Variants in PARN observed in about 807,000 individuals in gnomAD.
PARN encodes poly(A)-specific ribonuclease, also known as poly(A)-specific ribonuclease PARN.
In PARN, 71 loss-of-function variants were observed where a neutral mutation model predicts 102.8. The ratio of observed to expected loss-of-function variants is 0.69; its 90% CI spans 0.57 to 0.84. The LOEUF (loss-of-function observed/expected upper bound fraction) is 0.84. Among genes scored for constraint, PARN ranks in the 40% least tolerant of loss-of-function variants. PARN has a pLI of 0.00. For missense variants in PARN, 782 were observed against 760.9 expected, an observed-to-expected ratio of 1.03 and a Z score of -0.33; for synonymous variants, 261 against 252.9, an observed-to-expected ratio of 1.03 and a Z score of -0.30.
chr16:14,491,486 A>T (rs1037345552), intron 21 of PARN, among the ~76,000 whole-genome samples: 1 of 152,164 alleles, frequency 6.6e-6, no homozygotes, highest in Non-Finnish European at 1.5e-5. Flanking sequence ...ACTTCAGGCC[A>T]GGCATAGTGG....
At chr16:14,560,642 T>C (rs1335203823) in intron 18 of PARN, among the ~76,000 whole-genome samples, 1 of 152,238 alleles carries the variant, frequency 6.6e-6, no homozygotes, top group East Asian at 1.9e-4. Context: ...GCAGTGCTTG[T>C]TATCCTGGCT....
rs190234104 is a variant in PARN at position 14,440,055 on chromosome 16, A to C, written c.1865-3283T>G. On this transcript the variant is annotated intron_variant, in intron 23 of 23. Transcript: ENST00000437198. ...CAACAACAACAAACCACCACCACCA[A>C]CAACAACAAAATGAAAAGAAAAACC... 1.8e-3 allele frequency among the ~76,000 whole-genome samples: 277 copies of C among 152,270 alleles called. 1 individual carries two copies. Among genetic ancestry groups the C allele is most frequent in the East Asian group, 9.2e-3 (48 of 5,190 alleles).
intron 7 of PARN, among the ~76,000 whole-genome samples, chr16:14,609,562 C>A (rs1347540709): frequency 1.3e-5 from 2 of 152,062 alleles, no homozygotes; most frequent in Admixed American, 6.6e-5. Flanking sequence ...CAGAACGAGA[C>A]CCTGTCTCAA....
At chr16:14,437,649 C>T (rs1433246235) in intron 23 of PARN, among the ~76,000 whole-genome samples, 1 of 152,224 alleles carries the variant, frequency 6.6e-6, no homozygotes, top group Non-Finnish European at 1.5e-5. Context: ...GACCAGGCGT[C>T]AGCTGCACAA....
intron 21 of PARN, among the ~76,000 whole-genome samples, chr16:14,487,379 G>T (rs1963770600): frequency 6.6e-6 from 1 of 152,166 alleles, no homozygotes; most frequent in African/African-American, 2.4e-5. Flanking sequence ...AATGCTTCCT[G>T]TATTAAGGAA....
chr16:14,438,986 A>G (rs1221615362), intron 23 of PARN, among the ~76,000 whole-genome samples: 1 of 152,220 alleles, frequency 6.6e-6, no homozygotes, highest in African/African-American at 2.4e-5. Context: ...TGGTTTTTAA[A>G]AAGCAGCAGC....
At chr16:14,531,607 T>C (rs1404599911) in intron 21 of PARN, among the ~76,000 whole-genome samples, 2 of 152,206 alleles carry the variant, frequency 1.3e-5, no homozygotes, top group Admixed American at 6.5e-5. Context: ...ACTAACCTTC[T>C]ACCATGCTTA....
At position 14,617,651 on chromosome 16, in the gene PARN, C is replaced by T; in HGVS notation, c.328-1G>A. The stretch of plus-strand genomic sequence containing the variant: ...TTGCTAGAAAGTCAATGCTGGAGCT[C>T]TGAAACAGAGTAAACAGAACACATG... On this transcript the variant is annotated splice_acceptor_variant, in intron 5 of 23. Coordinates refer to ENST00000437198, the MANE Select transcript of PARN (RefSeq NM_002582.4). LOFTEE classifies it high-confidence loss of function. 5 of 1,585,256 alleles carry T rather than the reference C, an allele frequency of 3.2e-6. No homozygotes were observed. The highest frequency in any genetic ancestry group is 4.3e-6 in the Non-Finnish European group (5 of 1,153,894).
chr16:14,585,076 G>C (rs1247271259), intron 14 of PARN, among the ~76,000 whole-genome samples: 1 of 152,146 alleles, frequency 6.6e-6, no homozygotes, highest in Non-Finnish European at 1.5e-5. Context: ...ACAAGTTCTA[G>C]ATTCACCTGG....
intron 5 of PARN, among the ~76,000 whole-genome samples, chr16:14,625,849 G>A (rs899705496): frequency 6.6e-6 from 1 of 152,134 alleles, no homozygotes; most frequent in Non-Finnish European, 1.5e-5. Flanking sequence ...GTTTTTAGTG[G>A]GAGAGAAGAT....
chr16:14,619,723 C>T lies in PARN; in HGVS notation c.328-2073G>A, dbSNP rs1009918123. Among the ~76,000 whole-genome samples the T allele has an allele frequency of 3.3e-5, 5 of 151,788 alleles. No homozygotes were observed. In the East Asian group the frequency reaches 9.7e-4, roughly 29 times the overall value. ...GTTCAAGTCTGCAGTGAGCTGTGAT[C>T]ACACCGCTGGACTCCAGCGTGGGTG... On this transcript the variant is annotated intron_variant, in intron 5 of 23. Coordinates refer to ENST00000437198, the MANE Select transcript of PARN (RefSeq NM_002582.4).
rs990820700 is a variant in PARN, at chr16:14,560,913, T to C, written c.1263-5204A>G. Among the ~76,000 whole-genome samples the C allele has an allele frequency of 1.1e-4, 16 of 152,294 alleles. No individual in the cohort carries two copies. The East Asian group carries it at 3.1e-3, about 29-fold the overall frequency. On this transcript the variant is annotated intron_variant, in intron 18 of 23. Coordinates refer to ENST00000437198, the MANE Select transcript of PARN (RefSeq NM_002582.4). ...GCTCACGCCTATAATCCCAGCAATC[T>C]GGGAGGCCGAGGCAGGTAGATCACC...
intron 18 of PARN, among the ~76,000 whole-genome samples, chr16:14,566,284 G>C (rs1175328495): frequency 6.6e-6 from 1 of 152,166 alleles, no homozygotes; most frequent in Non-Finnish European, 1.5e-5. Flanking sequence ...CATCATATGT[G>C]TCCTCATAAG....
At chr16:14,584,654 T>C (rs1410645659) in intron 15 of PARN, 95 bp downstream of exon 15, 2 of 904,286 alleles carry the variant, frequency 2.2e-6, no homozygotes, top group African/African-American at 1.7e-5. Flanking sequence ...ATGCATTAAA[T>C]ACCTCCAAAC....
chr16:14,570,772 G>T (rs928774914), intron 18 of PARN, among the ~76,000 whole-genome samples: 2 of 150,086 alleles, frequency 1.3e-5, no homozygotes, highest in African/African-American at 2.5e-5. Flanking sequence ...GAGCCCAGGA[G>T]GTCAAGACCA....
intron 22 of PARN, among the ~76,000 whole-genome samples, chr16:14,468,082 A>C (rs1326870885): frequency 6.6e-6 from 1 of 152,210 alleles, no homozygotes; most frequent in South Asian, 2.1e-4. Flanking sequence ...GTGGCACAGA[A>C]GGCATCTCAC....
chr16:14,620,247 G>A (rs542189650), intron 5 of PARN, among the ~76,000 whole-genome samples: 1 of 149,444 alleles, frequency 6.7e-6, no homozygotes, highest in South Asian at 2.1e-4. Context: ...CGCGGTAGTG[G>A]GCACCTGTAG....
At chr16:14,608,910 C>T (rs990533327) in intron 8 of PARN, 148 bp downstream of exon 8, 18 of 618,038 alleles carry the variant, frequency 2.9e-5, no homozygotes, top group African/African-American at 1.7e-4. Context: ...CACTGTGTAA[C>T]GCTAAAGTTA....
chr16:14,514,138 G>A (rs1326993149), intron 21 of PARN, among the ~76,000 whole-genome samples: 1 of 152,154 alleles, frequency 6.6e-6, no homozygotes, highest in Non-Finnish European at 1.5e-5. Flanking sequence ...AGCAAGGAAG[G>A]GGGGATATAA....
Sources: gnomAD v4.1 joint callset for allele counts (sites outside exome capture counted in the v4.1 genomes callset) on GRCh38, gnomAD v4.1.1 for gene constraint, MANE v1.5 for transcripts, NCBI Gene and HGNC (gene_info 2026-07-23, HGNC 2026-07-21) for gene names.